Variants in IKBIP observed in about 807,000 individuals in gnomAD.
IKBIP encodes inhibitor of nuclear factor kappa-B kinase-interacting protein.
In IKBIP, 28 loss-of-function variants were observed where a neutral mutation model predicts 31.0. The observed-to-expected ratio is 0.90, with a 90% CI of 0.67 to 1.24. IKBIP has a LOEUF of 1.24. Among genes scored for constraint, IKBIP ranks in the 50% most tolerant of loss-of-function variants. The pLI, the probability that IKBIP is intolerant of heterozygous loss-of-function variation, is 0.00. For synonymous variants in IKBIP, 164 were observed against 160.3 expected (o/e 1.02, Z -0.17); for missense variants, 453 against 441.9 (o/e 1.03, Z -0.23).
At position 98,632,483 on chromosome 12, in the gene IKBIP, GAAAAAAAAAAAAA is replaced by G. The variant is rs71081871; in HGVS notation, c.297+1800_297+1812del. Among the ~76,000 whole-genome samples, 48 of 11,534 alleles carry G rather than the reference GAAAAAAAAAAAAA, an allele frequency of 4.2e-3. 1 individual carries two copies. The highest frequency in any genetic ancestry group is 0.014 in the African/African-American group (46 of 3,406). 7.6% of individuals were successfully genotyped at this position (11,534 alleles called of 152,430 possible). ...GGGATGACAGGGAGAGACTCTATCTGAAAAAAAAAAAAAAAAAAAAAAAAAAAAAATATATATA... is the reference window on the plus strand; with the variant it reads ...GGGATGACAGGGAGAGACTCTATCTGAAAAAAAAAAAAAAAAATATATATA... On this transcript the variant is annotated intron_variant, in intron 2 of 2. Coordinates refer to ENST00000299157, the MANE Select transcript of IKBIP (RefSeq NM_153687.4).
chr12:98,614,118 T>C (rs2097604887), exon 3 of IKBIP: 1 of 1,613,472 alleles, frequency 6.2e-7, no homozygotes, highest in Non-Finnish European at 8.5e-7. Context: ...GTTTTTACAC[T>C]TGTAATCTTG....
intron 2 of IKBIP, among the ~76,000 whole-genome samples, chr12:98,630,777 CA>C (rs2153298488): frequency 6.6e-6 from 1 of 152,272 alleles, no homozygotes; most frequent in African/African-American, 2.4e-5. Context: ...TAAGGTCACA[CA>C]GTTGGGATGG....
chr12:98,614,695 GC>G (rs1374809791), intron 2 of IKBIP, among the ~76,000 whole-genome samples: 1 of 151,998 alleles, frequency 6.6e-6, no homozygotes, highest in African/African-American at 2.4e-5. Flanking sequence ...CTAAATCCAT[GC>G]CTGGGATTAC....
chr12:98,624,286 G>A lies in IKBIP; in HGVS notation c.*1644C>T. 1 of 971,346 alleles carries A rather than the reference G, an allele frequency of 1.0e-6. No homozygotes were observed. The highest frequency in any genetic ancestry group is 5.3e-4 in the Middle Eastern group (1 of 1,892). The allele number at this position is 971,346 out of a possible 1,614,324, so 60.2% of individuals were successfully genotyped here. On this transcript the variant is annotated 3_prime_UTR_variant, in exon 3 of 3. Coordinates refer to ENST00000299157, the MANE Select transcript of IKBIP (RefSeq NM_153687.4). ...CTATTTTATTACCATTAATATAAAA[G>A]TAAACAAATAGAATTTTGTCAGTGC...
chr12:98,623,560 CTTTTTT>C (rs35433597), downstream of IKBIP, among the ~76,000 whole-genome samples: 1 of 64,192 alleles, frequency 1.6e-5, no homozygotes, highest in African/African-American at 7.7e-5. Flanking sequence ...CCTCCTTACA[CTTTTTT>C]TTTTTTTTTT....
chr12:98,614,087 C>T (rs1421380762), exon 3 of IKBIP: 7 of 1,612,704 alleles, frequency 4.3e-6, no homozygotes, highest in Non-Finnish European at 5.9e-6. Context: ...AGTTACTAAA[C>T]CTGAAATCCG....
intron 1 of IKBIP, among the ~76,000 whole-genome samples, chr12:98,639,957 CTTTTAGA>C (rs2097628929): frequency 6.6e-6 from 1 of 152,114 alleles, no homozygotes; most frequent in Non-Finnish European, 1.5e-5. Context: ...ATACCCTTGT[CTTTTAGA>C]TAAAACTCTA....
chr12:98,613,563 G>A (rs761872504), exon 3 of IKBIP: 1 of 1,299,844 alleles, frequency 7.7e-7, no homozygotes, highest in Non-Finnish European at 1.0e-6. Flanking sequence ...AATTACCTTA[G>A]TCTAATCTCA....
At chr12:98,643,150 A>AC (rs1019917366) in intron 1 of IKBIP, among the ~76,000 whole-genome samples, 1 of 149,696 alleles carries the variant, frequency 6.7e-6, no homozygotes, top group Non-Finnish European at 1.5e-5. Flanking sequence ...ACAGGGTTTC[A>AC]CCATGTTGGC....
rs1382562343 is a variant in IKBIP at position 98,625,707 on chromosome 12, G to T, written c.*223C>A. Reference sequence around the variant, plus strand: ...TTAAGTATCTTGTTTTAAAAGTAGAGAAATATTTTTAAAGAACTATTTCTA... The same window carrying T: ...TTAAGTATCTTGTTTTAAAAGTAGATAAATATTTTTAAAGAACTATTTCTA... On this transcript the variant is annotated 3_prime_UTR_variant, in exon 3 of 3. Coordinates refer to ENST00000299157, the MANE Select transcript of IKBIP (RefSeq NM_153687.4). 7.2e-6 allele frequency: 2 copies of T among 276,050 alleles called. No homozygotes were observed. Among genetic ancestry groups the T allele is most frequent in the East Asian group, 1.3e-4 (2 of 14,926 alleles). The allele number at this position is 276,050 out of a possible 1,614,324, so 17.1% of individuals were successfully genotyped here.
Position 98,614,176 on chromosome 12 carries a change from A to G in IKBIP, c.462T>C (p.Ile154=), listed in dbSNP as rs929025888. 5 of 1,613,784 alleles carry G rather than the reference A, an allele frequency of 3.1e-6. No individual in the cohort carries two copies. The African/African-American group carries it at 5.3e-5, about 17-fold the overall frequency. ...AAGTTGTACTTTGGTCTACTTTTGT[A>G]ATGTCTTGAGAAAGCGTCGTCAGAC... The change falls in exon 3 of 3, where the codon ATT becomes ATC. Residue 154 remains isoleucine (I), a synonymous_variant. Coordinates refer to the IKBIP transcript ENST00000342502.
At chr12:98,614,203 G>A in exon 3 of IKBIP, 1 of 1,613,922 alleles carries the variant, frequency 6.2e-7, no homozygotes, top group Non-Finnish European at 8.5e-7. Flanking sequence ...TCGTCAGACT[G>A]TTGTTCAGTA....
Position 98,627,992 on chromosome 12 carries a change from G to A in IKBIP, c.298-1226C>T, listed in dbSNP as rs184074117. ...TATTTGTAAATTATGCTAAGCCTCCGGCACCTCCTAATCTGTATCTGGAAT... is the reference window on the plus strand; with the variant it reads ...TATTTGTAAATTATGCTAAGCCTCCAGCACCTCCTAATCTGTATCTGGAAT... On this transcript the variant is annotated intron_variant, in intron 2 of 2. Coordinates refer to ENST00000299157, the MANE Select transcript of IKBIP (RefSeq NM_153687.4). Among the ~76,000 whole-genome samples the A allele has an allele frequency of 2.2e-3, 329 of 152,274 alleles. 3 individuals carry two copies. Among genetic ancestry groups the A allele is most frequent in the South Asian group, 0.012 (56 of 4,830 alleles).
chr12:98,617,075 CCTAT>C (rs1459143589), intron 2 of IKBIP, among the ~76,000 whole-genome samples: 1 of 152,158 alleles, frequency 6.6e-6, no homozygotes, highest in African/African-American at 2.4e-5. Context: ...AGTTTTCTGG[CCTAT>C]CTAACTATCC....
chr12:98,624,446 C>A lies in IKBIP; in HGVS notation c.*1484G>T, dbSNP rs958839442. On this transcript the variant is annotated 3_prime_UTR_variant, in exon 3 of 3. Transcript: ENST00000299157. ...CTGTCTACCACAGGCCCTCCTAACT[C>A]CAGTGGAGAAGGAGTTTGGGGGTTC... 29 of 985,172 alleles carry A rather than the reference C, an allele frequency of 2.9e-5. No homozygotes were observed. In the African/African-American group the frequency reaches 4.0e-4, roughly 14 times the overall value. The allele number at this position is 985,172 out of a possible 1,614,324, so 61.0% of individuals were successfully genotyped here.
At chr12:98,632,143 C>T (rs924831133) in intron 2 of IKBIP, among the ~76,000 whole-genome samples, 7 of 151,970 alleles carry the variant, frequency 4.6e-5, no homozygotes, top group Admixed American at 2.0e-4. Flanking sequence ...CGTGAGCCAC[C>T]GCGTCCGGCC....
chr12:98,634,466 G>C, intron 1 of IKBIP, 53 bp from the exon 2 acceptor site: 3 of 884,058 alleles, frequency 3.4e-6, no homozygotes, highest in Non-Finnish European at 5.5e-6. Flanking sequence ...ATTTAAATCC[G>C]AATTTCAAAG....
In IKBIP at chr12:98,626,351, A is replaced by G. The variant is rs375655275; in HGVS notation, c.713T>C (p.Ile238Thr). 6.8e-6 allele frequency: 11 copies of G among 1,614,002 alleles called. No homozygotes were observed. Among genetic ancestry groups the G allele is most frequent in the Admixed American group, 5.0e-5 (3 of 59,994 alleles). Reference sequence around the variant, plus strand: ...ATGCTGTTCCTCTTCTAACTTTTCAATTGCCTTTGTATCAGAGCCTAGCTG... The same window carrying G: ...ATGCTGTTCCTCTTCTAACTTTTCAGTTGCCTTTGTATCAGAGCCTAGCTG... Reference protein sequence around the residue: ...EEQLGSDTKAIEKLEEEQHAL... With the variant: ...EEQLGSDTKATEKLEEEQHAL... Residue 238 changes from isoleucine (I) to threonine (T), a missense_variant, in exon 3 of 3, where the codon ATT becomes ACT. By Grantham distance (89) the Ile-to-Thr change is moderately conservative (BLOSUM62 -1). Transcript: ENST00000299157.
Position 98,624,745 on chromosome 12 carries a change from ATAAT to A in IKBIP, c.*1181_*1184del, listed in dbSNP as rs1213239060. 12 of 889,782 alleles carry A rather than the reference ATAAT, an allele frequency of 1.3e-5. No individual in the cohort carries two copies. The highest frequency in any genetic ancestry group is 1.3e-4 in the African/African-American group (7 of 55,358). 55.1% of individuals were successfully genotyped at this position (889,782 alleles called of 1,614,324 possible). A position where few individuals can be genotyped will look rare whatever the true frequency, so the allele number is the denominator to read the frequency against. ...ATTTTTAACTATCATAGTTATTATCATAATTAATTATCAGAGTTATGTTACTTTT... is the reference window on the plus strand; with the variant it reads ...ATTTTTAACTATCATAGTTATTATCATAATTATCAGAGTTATGTTACTTTT... On this transcript the variant is annotated 3_prime_UTR_variant, in exon 3 of 3. Transcript: ENST00000299157.
Sources: gnomAD v4.1 joint callset for allele counts (sites outside exome capture counted in the v4.1 genomes callset) on GRCh38, gnomAD v4.1.1 for gene constraint, MANE v1.5 for transcripts, NCBI Gene and HGNC (gene_info 2026-07-23, HGNC 2026-07-21) for gene names.